The following ANKRD31 variants were observed in gnomAD, a reference collection of about 807,000 sequenced individuals.
ANKRD31 encodes ankyrin repeat domain-containing protein 31.
Under a neutral mutation model 186.0 loss-of-function variants are expected in ANKRD31, and 147 were observed. The observed-to-expected ratio is 0.79, with a 90% CI of 0.69 to 0.91. The LOEUF (loss-of-function observed/expected upper bound fraction) is 0.91. ANKRD31 is among the 40% of genes least tolerant of loss of function. The pLI, the probability that ANKRD31 is intolerant of heterozygous loss-of-function variation, is 0.00. For synonymous variants in ANKRD31, 673 were observed against 736.4 expected (o/e 0.91, Z 1.39); for missense variants, 1,986 against 2,148.8 (o/e 0.92, Z 1.50).
At chr5:75,098,514 C>T (rs1465115960) in intron 22 of ANKRD31, among the ~76,000 whole-genome samples, 2 of 152,008 alleles carry the variant, frequency 1.3e-5, no homozygotes, top group Non-Finnish European at 2.9e-5. Context: ...CTATAAATTA[C>T]CTTGGGCAGT....
At chr5:75,221,759 A>AGGAT (rs1757318116) in intron 3 of ANKRD31, among the ~76,000 whole-genome samples, 1 of 152,206 alleles carries the variant, frequency 6.6e-6, no homozygotes. Context: ...TGAAGACAAT[A>AGGAT]GGATGAAGAT....
intron 15 of ANKRD31, among the ~76,000 whole-genome samples, chr5:75,142,961 T>C (rs1223561412): frequency 6.6e-6 from 1 of 152,176 alleles, no homozygotes; most frequent in African/African-American, 2.4e-5. Flanking sequence ...ACAAACTGGG[T>C]GACTTAAAAC....
At chr5:75,171,952 C>T (rs1753360440) in intron 10 of ANKRD31, among the ~76,000 whole-genome samples, 1 of 151,382 alleles carries the variant, frequency 6.6e-6, no homozygotes. Flanking sequence ...ATACCAAAAC[C>T]AAAGGCATTA....
intron 23 of ANKRD31, among the ~76,000 whole-genome samples, chr5:75,085,627 C>A (rs1216416464): frequency 6.6e-6 from 1 of 152,140 alleles, no homozygotes; most frequent in Non-Finnish European, 1.5e-5. Context: ...GTCTCGAACT[C>A]CTGACCTCAA....
At position 75,229,880 on chromosome 5, in the gene ANKRD31, A is replaced by C. The variant is rs868744079; in HGVS notation, c.178+682T>G. On this transcript the variant is annotated intron_variant, in intron 2 of 25. Transcript: ENST00000506364. ...ACTCTGTCTCAAAAAAAAAAAAAAA[A>C]AAAAAAACAAAAAAAACATCAATTC... 2.6e-3 allele frequency among the ~76,000 whole-genome samples: 224 copies of C among 85,316 alleles called. 5 individuals are homozygous for C. The highest frequency in any genetic ancestry group is 0.025 in the Middle Eastern group (5 of 198). 56.0% of individuals were successfully genotyped at this position (85,316 alleles called of 152,430 possible).
At chr5:75,170,792 T>C (rs552858119) in intron 10 of ANKRD31, among the ~76,000 whole-genome samples, 2 of 152,070 alleles carry the variant, frequency 1.3e-5, no homozygotes, top group South Asian at 2.1e-4. Context: ...GAAAAACATA[T>C]CGTAAATAAG....
chr5:75,194,301 A>T (rs1312263859), intron 7 of ANKRD31, among the ~76,000 whole-genome samples: 2 of 152,022 alleles, frequency 1.3e-5, no homozygotes, highest in Admixed American at 1.3e-4. Context: ...TTCCTTTCGA[A>T]GACTTGCTAA....
chr5:75,149,421 T>G (rs1751703979), intron 12 of ANKRD31, among the ~76,000 whole-genome samples: 1 of 151,978 alleles, frequency 6.6e-6, no homozygotes, highest in Non-Finnish European at 1.5e-5. Context: ...AGCAATTTAA[T>G]TTATTTCTTG....
chr5:75,142,293 C>T (rs187415152), intron 15 of ANKRD31, among the ~76,000 whole-genome samples: 127 of 152,176 alleles, frequency 8.3e-4, no homozygotes, highest in African/African-American at 3.0e-3. Context: ...ACTGTTCACT[C>T]GCTATTCTCC....
In ANKRD31 at chr5:75,084,365, G is replaced by A. The variant is rs1350686818; in HGVS notation, c.5482C>T (p.Leu1828Phe). ...WNYAWSKVTYLGKELLRYVSE... is the reference protein window; with the variant it reads ...WNYAWSKVTYFGKELLRYVSE... ...ACATACCTTAAAAGCTCCTTCCCAAGATACGTTACCTGCACATAATTAAGC... is the reference window on the plus strand; with the variant it reads ...ACATACCTTAAAAGCTCCTTCCCAAAATACGTTACCTGCACATAATTAAGC... The change falls in exon 24 of 26, where the codon CTT becomes TTT. Residue 1828 changes from leucine to phenylalanine, a missense_variant. Physicochemically the swap from Leu to Phe is conservative, Grantham distance 22. Coordinates refer to ENST00000506364, the MANE Select transcript of ANKRD31 (RefSeq NM_001372053.1). 53 of 1,536,664 alleles carry A rather than the reference G, an allele frequency of 3.4e-5. No individual in the cohort carries two copies. Among genetic ancestry groups the A allele is most frequent in the Non-Finnish European group, 4.4e-5 (51 of 1,146,608 alleles).
intron 15 of ANKRD31, among the ~76,000 whole-genome samples, chr5:75,143,608 C>T (rs1403347839): frequency 1.3e-5 from 2 of 152,126 alleles, no homozygotes; most frequent in African/African-American, 2.4e-5. Context: ...GTGAAACACA[C>T]ATAGTTCACT....
chr5:75,138,014 G>C lies in ANKRD31; in HGVS notation c.3734-16C>G. ...GGTGTCCAACCTAAAAAAAGAAAAA[G>C]AAAAAAAAAAACCCTGCTTCATGCG... On this transcript the variant is annotated splice_polypyrimidine_tract_variant and intron_variant, in intron 16 of 25. Transcript: ENST00000506364. The C allele has an allele frequency of 2.4e-6, 3 of 1,262,670 alleles. No homozygotes were observed. 78.2% of individuals were successfully genotyped at this position (1,262,670 alleles called of 1,614,324 possible). A position where few individuals can be genotyped will look rare whatever the true frequency, so the allele number is the denominator to read the frequency against.
At chr5:75,148,423 T>A (rs1005790020) in intron 13 of ANKRD31, among the ~76,000 whole-genome samples, 153 bp downstream of exon 13, 1 of 151,882 alleles carries the variant, frequency 6.6e-6, no homozygotes, top group Non-Finnish European at 1.5e-5. Flanking sequence ...CCCAGAACCC[T>A]CTGATTCTCA....
chr5:75,135,053 C>T (rs1750450160), intron 17 of ANKRD31, among the ~76,000 whole-genome samples: 1 of 152,134 alleles, frequency 6.6e-6, no homozygotes, highest in Non-Finnish European at 1.5e-5. Flanking sequence ...AACCCACAGC[C>T]AATATCATAC....
chr5:75,115,496 T>G (rs767428578), intron 19 of ANKRD31, among the ~76,000 whole-genome samples: 114 of 150,314 alleles, frequency 7.6e-4, no homozygotes, highest in Non-Finnish European at 9.5e-4. Context: ...AGAAAATTTT[T>G]GCAACCTACT....
intron 10 of ANKRD31, among the ~76,000 whole-genome samples, chr5:75,180,697 C>T (rs1226780819): frequency 1.3e-5 from 2 of 152,148 alleles, no homozygotes; most frequent in Non-Finnish European, 2.9e-5. Flanking sequence ...AAAGCTGAAA[C>T]TGGATCCCTT....
chr5:75,098,616 G>T (rs1399250362), intron 22 of ANKRD31, among the ~76,000 whole-genome samples: 1 of 152,092 alleles, frequency 6.6e-6, no homozygotes, highest in Admixed American at 6.5e-5. Context: ...TTGAGCAGTG[G>T]TTTGTAGTTC....
At chr5:75,073,762 C>T (rs985179080) in intron 25 of ANKRD31, among the ~76,000 whole-genome samples, 1 of 152,132 alleles carries the variant, frequency 6.6e-6, no homozygotes, top group African/African-American at 2.4e-5. Flanking sequence ...ACTTTGTATT[C>T]TAAACTAGCT....
At chr5:75,137,777 C>T (rs952253543) in intron 17 of ANKRD31, 79 bp downstream of exon 17, 79 of 1,243,600 alleles carry the variant, frequency 6.4e-5, no homozygotes, top group Admixed American at 2.2e-4. Flanking sequence ...CATTTTAGTT[C>T]TCAGTTTAAA....
Sources: gnomAD v4.1 joint callset for allele counts (sites outside exome capture counted in the v4.1 genomes callset) on GRCh38, gnomAD v4.1.1 for gene constraint, MANE v1.5 for transcripts, NCBI Gene and HGNC (gene_info 2026-07-23, HGNC 2026-07-21) for gene names.